FTO: variants seen among roughly 807,000 people sequenced by gnomAD.
FTO encodes alpha-ketoglutarate-dependent dioxygenase FTO.
A neutral mutation model predicts 63.9 loss-of-function variants in FTO; 47 were observed. The ratio of observed to expected loss-of-function variants is 0.74; its 90% CI spans 0.58 to 0.94. The LOEUF (loss-of-function observed/expected upper bound fraction) is 0.94, where lower values mean the gene tolerates loss of function less well. Among genes scored for constraint, FTO ranks in the 40% least tolerant of loss-of-function variants. FTO has a pLI of 0.00. For missense variants in FTO, 562 were observed against 618.1 expected (o/e 0.91, Z 0.96); for synonymous variants, 207 against 224.4 (o/e 0.92, Z 0.69).
chr16:54,029,544 C>T (rs1313855561), intron 8 of FTO, among the ~76,000 whole-genome samples: 1 of 152,150 alleles, frequency 6.6e-6, no homozygotes, highest in Non-Finnish European at 1.5e-5. Flanking sequence ...GCAAAGTGTT[C>T]ATTAGTCCCT....
intron 7 of FTO, among the ~76,000 whole-genome samples, chr16:53,917,709 A>AGTGTGTGTGTGT (rs35549801): frequency 1.4e-5 from 2 of 143,018 alleles, no homozygotes; most frequent in African/African-American, 5.2e-5. Flanking sequence ...AAATTGAGTG[A>AGTGTGTGTGTGT]GTGTGTGTGT....
chr16:53,967,281 T>G (rs1276892080), intron 8 of FTO, among the ~76,000 whole-genome samples: 5 of 152,008 alleles, frequency 3.3e-5, no homozygotes, highest in African/African-American at 1.2e-4. Context: ...AGGAGTCTGT[T>G]TAGCAGACCA....
chr16:54,021,174 T>A (rs982094109), intron 8 of FTO, among the ~76,000 whole-genome samples: 1 of 152,164 alleles, frequency 6.6e-6, no homozygotes, highest in Non-Finnish European at 1.5e-5. Context: ...TCTTTGTGCT[T>A]CTTCCACTCT....
At chr16:53,861,099 G>GT (rs1473971628) in intron 4 of FTO, among the ~76,000 whole-genome samples, 1 of 152,090 alleles carries the variant, frequency 6.6e-6, no homozygotes, top group African/African-American at 2.4e-5. Context: ...GGTTATTCAA[G>GT]TTTTTTGATA....
intron 1 of FTO, among the ~76,000 whole-genome samples, chr16:53,725,492 G>A (rs1483933387): frequency 6.6e-6 from 1 of 152,144 alleles, no homozygotes; most frequent in Non-Finnish European, 1.5e-5. Context: ...GTAGTAATCT[G>A]GATTTATGCA....
intron 8 of FTO, among the ~76,000 whole-genome samples, chr16:54,008,758 G>A (rs1263478556): frequency 6.6e-6 from 1 of 150,666 alleles, no homozygotes; most frequent in Non-Finnish European, 1.5e-5. Flanking sequence ...TTTTCAAGAG[G>A]TCTATCTGAG....
intron 8 of FTO, among the ~76,000 whole-genome samples, chr16:53,969,252 T>C (rs1185756904): frequency 6.6e-6 from 1 of 150,398 alleles, no homozygotes; most frequent in Non-Finnish European, 1.5e-5. Flanking sequence ...GTCCCAGAGA[T>C]AGATATTGTT....
At chr16:54,036,441 G>T (rs546813464) in intron 8 of FTO, among the ~76,000 whole-genome samples, 1 of 152,310 alleles carries the variant, frequency 6.6e-6, no homozygotes, top group East Asian at 1.9e-4. Flanking sequence ...TGAATTGAGA[G>T]AATCCCTCTG....
intron 7 of FTO, among the ~76,000 whole-genome samples, chr16:53,908,245 C>G (rs2081586540): frequency 1.3e-5 from 2 of 152,286 alleles, no homozygotes; most frequent in South Asian, 4.1e-4. Context: ...TTTTCGTTGT[C>G]AGGGGCAAGT....
At chr16:54,027,925 T>C (rs1399953401) in intron 8 of FTO, among the ~76,000 whole-genome samples, 2 of 152,200 alleles carry the variant, frequency 1.3e-5, no homozygotes, top group African/African-American at 4.8e-5. Context: ...AAATGGTTCA[T>C]GTAGCCTCAT....
At chr16:54,039,913 G>A (rs1388814732) in intron 8 of FTO, 1 of 152,116 alleles carries the variant, frequency 6.6e-6, no homozygotes, top group East Asian at 1.9e-4. Flanking sequence ...TCTGGCCCTG[G>A]CTAGTCCTCA....
In FTO at chr16:54,120,816, C is replaced by T. The variant is rs1209710374; in HGVS notation, c.*8901C>T. On this transcript the variant is annotated 3_prime_UTR_variant, in exon 9 of 9. Coordinates refer to ENST00000471389, the MANE Select transcript of FTO (RefSeq NM_001080432.3). ...CCCAGAAAGGAGAACCTTTGTTACTCTAGAAAACAGTGTGTGTGCTATTGT... is the reference window on the plus strand; with the variant it reads ...CCCAGAAAGGAGAACCTTTGTTACTTTAGAAAACAGTGTGTGTGCTATTGT... 2.0e-5 allele frequency: 3 copies of T among 152,146 alleles called. No individual in the cohort carries two copies. Among genetic ancestry groups the T allele is most frequent in the African/African-American group, 7.2e-5 (3 of 41,420 alleles). 9.4% of individuals were successfully genotyped at this position (152,146 alleles called of 1,614,324 possible).
intron 4 of FTO, among the ~76,000 whole-genome samples, chr16:53,854,253 T>A (rs2079906660): frequency 6.6e-6 from 1 of 152,210 alleles, no homozygotes; most frequent in African/African-American, 2.4e-5. Context: ...TCTCCCATTC[T>A]GTAGGTTGTC....
At chr16:53,735,926 C>A (rs1274300359) in intron 1 of FTO, among the ~76,000 whole-genome samples, 1 of 152,184 alleles carries the variant, frequency 6.6e-6, no homozygotes. Context: ...TCTGACCCTT[C>A]CTTCTCCTTC....
At chr16:53,986,935 T>C (rs550275385) in intron 8 of FTO, among the ~76,000 whole-genome samples, 4 of 152,220 alleles carry the variant, frequency 2.6e-5, no homozygotes, top group Non-Finnish European at 5.9e-5. Flanking sequence ...GTAACTGTTG[T>C]TTGTATGTTA....
At chr16:53,990,486 C>T (rs950051434) in intron 8 of FTO, among the ~76,000 whole-genome samples, 2 of 152,056 alleles carry the variant, frequency 1.3e-5, no homozygotes, top group South Asian at 2.1e-4. Context: ...CACCAGACAG[C>T]GGCAGGCCAA....
Position 54,114,139 on chromosome 16 carries a change from A to G in FTO, c.*2224A>G, listed in dbSNP as rs886727574. 3 of 152,312 alleles carry G rather than the reference A, an allele frequency of 2.0e-5. No individual in the cohort carries two copies. The highest frequency in any genetic ancestry group is 3.4e-3 in the Middle Eastern group (1 of 294). 9.4% of individuals were successfully genotyped at this position (152,312 alleles called of 1,614,324 possible). ...TTTTTCTTTAGAACTCAGAACACCC[A>G]ATAGTCCTAGGCCCCCATCCTCGCA... On this transcript the variant is annotated 3_prime_UTR_variant, in exon 9 of 9. Transcript: ENST00000471389.
At chr16:53,887,418 G>A (rs373059889) in intron 6 of FTO, among the ~76,000 whole-genome samples, 1 of 152,156 alleles carries the variant, frequency 6.6e-6, no homozygotes, top group African/African-American at 2.4e-5. Flanking sequence ...TGGCATTGGA[G>A]CTGGAGCCTC....
rs1399778736 is a variant in FTO at position 53,826,280 on chromosome 16, G to C, written c.540G>C (p.Gly180=). ...TGTCTGCAGATTTCCCCAGGGTTGG[G>C]ATGGGTTCATCCTACAACGGACAAG... The part of the protein sequence containing the change: ...LCMSADFPRV[G]MGSSYNGQDE... The change falls in exon 3 of 9, where the codon GGG becomes GGC. Residue 180 remains glycine (G), a synonymous_variant. Transcript: ENST00000471389. The C allele has an allele frequency of 6.2e-7, 1 of 1,614,198 alleles. No homozygotes were observed. Among genetic ancestry groups the C allele is most frequent in the South Asian group, 1.1e-5 (1 of 91,086 alleles).
Sources: allele counts gnomAD v4.1 joint callset (sites outside exome capture counted in the v4.1 genomes callset), GRCh38; gene constraint gnomAD v4.1.1; transcripts MANE v1.5; gene names NCBI Gene and HGNC (gene_info 2026-07-23, HGNC 2026-07-21).